The following UNC5D variants were observed in gnomAD, a reference collection of about 807,000 sequenced individuals.
UNC5D encodes the protein netrin receptor UNC5D.
UNC5D carries 39 observed loss-of-function variants against 105.4 expected under a neutral mutation model. The ratio of observed to expected loss-of-function variants is 0.37; its 90% CI spans 0.29 to 0.48. The LOEUF (loss-of-function observed/expected upper bound fraction) is 0.48. Among genes scored for constraint, UNC5D ranks in the 20% least tolerant of loss-of-function variants. The pLI is 0.98. For missense variants in UNC5D, 991 were observed against 1,202.4 expected (o/e 0.82, Z 2.60); for synonymous variants, 452 against 450.4 (o/e 1.00, Z -0.04).
At chr8:35,748,793 T>C (rs1008717143) in intron 12 of UNC5D, 98 bp downstream of exon 12, 1 of 1,412,434 alleles carries the variant, frequency 7.1e-7, no homozygotes, top group African/African-American at 1.5e-5. Context: ...CAGCATTTCG[T>C]TGTTGGCAAA....
At chr8:35,408,016 T>A (rs923812588) in intron 1 of UNC5D, among the ~76,000 whole-genome samples, 1 of 152,156 alleles carries the variant, frequency 6.6e-6, no homozygotes, top group South Asian at 2.1e-4. Context: ...AACATACACA[T>A]GCATGTTTTA....
chr8:35,575,654 C>T (rs952824630), intron 3 of UNC5D, among the ~76,000 whole-genome samples: 1 of 152,044 alleles, frequency 6.6e-6, no homozygotes, highest in Admixed American at 6.5e-5. Flanking sequence ...ATATTAAGAC[C>T]GATGCTCAAC....
chr8:35,444,274 C>T (rs925309723), intron 1 of UNC5D, among the ~76,000 whole-genome samples: 13 of 152,074 alleles, frequency 8.5e-5, no homozygotes, highest in African/African-American at 2.9e-4. Context: ...CTTACTGAAC[C>T]GAGTGATAAG....
intron 11 of UNC5D, among the ~76,000 whole-genome samples, chr8:35,733,074 T>TC (rs1829282847): frequency 7.0e-6 from 1 of 143,416 alleles, no homozygotes; most frequent in African/African-American, 3.0e-5. Flanking sequence ...TATGAATTTT[T>TC]CTCTCTACTA....
At chr8:35,347,174 G>A (rs1339161445) in intron 1 of UNC5D, among the ~76,000 whole-genome samples, 5 of 151,992 alleles carry the variant, frequency 3.3e-5, no homozygotes, top group South Asian at 2.1e-4. Flanking sequence ...ATTGATTGAC[G>A]AGTTAGAATA....
At chr8:35,472,132 A>G (rs1331990492) in intron 1 of UNC5D, among the ~76,000 whole-genome samples, 1 of 152,238 alleles carries the variant, frequency 6.6e-6, no homozygotes, top group African/African-American at 2.4e-5. Flanking sequence ...GTAAGAAGGC[A>G]AAAGAATCTT....
intron 16 of UNC5D, 30 bp downstream of exon 16, chr8:35,774,507 G>A (rs780211306): frequency 2.9e-5 from 47 of 1,610,320 alleles, no homozygotes; most frequent in Non-Finnish European, 3.5e-5. Context: ...GGAAGACGAT[G>A]TTACTAAGAG....
intron 1 of UNC5D, among the ~76,000 whole-genome samples, chr8:35,290,000 C>G (rs1282634802): frequency 6.6e-6 from 1 of 151,668 alleles, no homozygotes; most frequent in East Asian, 1.9e-4. Context: ...CACCTCATAC[C>G]CATTAGAATG....
At chr8:35,296,713 G>A (rs1807517647) in intron 1 of UNC5D, among the ~76,000 whole-genome samples, 1 of 152,142 alleles carries the variant, frequency 6.6e-6, no homozygotes. Context: ...GAGCCACCAT[G>A]CCTGGCCGTG....
intron 1 of UNC5D, among the ~76,000 whole-genome samples, chr8:35,345,027 A>G (rs2128905375): frequency 6.6e-6 from 1 of 152,200 alleles, no homozygotes; most frequent in Non-Finnish European, 1.5e-5. Context: ...AGTAAATGCC[A>G]AAAGGATTAT....
At chr8:35,755,706 A>G (rs1468454307) in intron 13 of UNC5D, among the ~76,000 whole-genome samples, 1 of 152,122 alleles carries the variant, frequency 6.6e-6, no homozygotes, top group African/African-American at 2.4e-5. Context: ...TGCTGAGAAA[A>G]ACCACCATCC....
chr8:35,635,448 A>G lies in UNC5D; in HGVS notation c.570+39791A>G, dbSNP rs375526176. Among the ~76,000 whole-genome samples the G allele has an allele frequency of 2.7e-4, 41 of 152,296 alleles. 1 individual carries two copies. The highest frequency in any genetic ancestry group is 9.6e-4 in the African/African-American group (40 of 41,572). The stretch of plus-strand genomic sequence containing the variant: ...TTGTCCAAGGTCTACTCACCTATCC[A>G]GGAAACCAGCTCTGGCTTTGAAGCA... On this transcript the variant is annotated intron_variant, in intron 4 of 16. Transcript: ENST00000404895.
At chr8:35,280,299 G>A (rs1314475614) in intron 1 of UNC5D, among the ~76,000 whole-genome samples, 1 of 152,134 alleles carries the variant, frequency 6.6e-6, no homozygotes, top group Non-Finnish European at 1.5e-5. Flanking sequence ...TCTTTATTGA[G>A]GTGGATCTGT....
At chr8:35,488,677 T>C (rs546692235) in intron 1 of UNC5D, among the ~76,000 whole-genome samples, 1 of 152,328 alleles carries the variant, frequency 6.6e-6, no homozygotes, top group East Asian at 1.9e-4. Context: ...TCAGACTTGT[T>C]TTATATGATC....
chr8:35,379,791 C>T (rs796942435), intron 1 of UNC5D, among the ~76,000 whole-genome samples: 4 of 152,210 alleles, frequency 2.6e-5, no homozygotes, highest in African/African-American at 9.6e-5. Flanking sequence ...AGTACTGAGA[C>T]ATCATAAAGT....
At chr8:35,723,086 G>GA (rs1828669743) in intron 9 of UNC5D, among the ~76,000 whole-genome samples, 1 of 152,056 alleles carries the variant, frequency 6.6e-6, no homozygotes, top group African/African-American at 2.4e-5. Flanking sequence ...TTTCATTTTA[G>GA]AAAAAAATGA....
chr8:35,673,028 A>G (rs1265806283), intron 4 of UNC5D, among the ~76,000 whole-genome samples: 2 of 152,166 alleles, frequency 1.3e-5, no homozygotes, highest in Admixed American at 6.5e-5. Context: ...GTCTGTGATC[A>G]TGAGGTTTTC....
chr8:35,356,005 G>A (rs111990143), intron 1 of UNC5D, among the ~76,000 whole-genome samples: 14 of 152,192 alleles, frequency 9.2e-5, no homozygotes, highest in African/African-American at 2.9e-4. Flanking sequence ...TGCAAACTCC[G>A]CCTCTCTGAT....
intron 1 of UNC5D, among the ~76,000 whole-genome samples, chr8:35,267,972 T>C (rs1805007420): frequency 6.6e-6 from 1 of 152,100 alleles, no homozygotes; most frequent in Admixed American, 6.6e-5. Context: ...ATCATAAAAA[T>C]GAATGAAAAC....
Sources: allele counts gnomAD v4.1 joint callset (sites outside exome capture counted in the v4.1 genomes callset), GRCh38; gene constraint gnomAD v4.1.1; transcripts MANE v1.5; gene names NCBI Gene and HGNC (gene_info 2026-07-23, HGNC 2026-07-21).